Variants in KLF8 observed in about 807,000 individuals in gnomAD.
KLF8 encodes the protein KLF transcription factor 8.
KLF8 carries 10 observed loss-of-function variants against 18.2 expected under a neutral mutation model. The ratio of observed to expected loss-of-function variants is 0.55; its 90% CI spans 0.34 to 0.93. The LOEUF (loss-of-function observed/expected upper bound fraction) is 0.93. Ranked by LOEUF, KLF8 falls within the 40% of genes least tolerant of loss-of-function variation. KLF8 has a pLI of 0.02. For missense variants in KLF8, 264 were observed against 277.9 expected, an observed-to-expected ratio of 0.95 and a Z score of 0.36; for synonymous variants, 109 against 97.3, an observed-to-expected ratio of 1.12 and a Z score of -0.71.
the KLF8 span, among the ~76,000 whole-genome samples, chrX:56,097,332 C>G: frequency 1.9e-5 from 2 of 106,493 alleles, no homozygotes; most frequent in East Asian, 5.9e-4. Context: ...ATTTCTACAC[C>G]CTTTCTTTCT....
chrX:56,129,581 G>C, the KLF8 span, among the ~76,000 whole-genome samples: 1 of 111,509 alleles, frequency 9.0e-6, no homozygotes, highest in African/African-American at 3.3e-5. Flanking sequence ...CTGTGGGAGG[G>C]CTGCCAGAGG....
the KLF8 span, among the ~76,000 whole-genome samples, chrX:55,946,766 C>T: frequency 9.0e-6 from 1 of 110,875 alleles, no homozygotes; most frequent in African/African-American, 3.3e-5. Flanking sequence ...CCAGAATCTA[C>T]AATCAACTCA....
the KLF8 span, among the ~76,000 whole-genome samples, chrX:56,050,097 T>G: frequency 9.0e-6 from 1 of 110,528 alleles, no homozygotes; most frequent in Non-Finnish European, 1.9e-5. Flanking sequence ...TGTATTTCTG[T>G]GGGATCGGTG....
the KLF8 span, among the ~76,000 whole-genome samples, chrX:56,200,115 G>C: frequency 0.028 from 3,065 of 110,865 alleles, 109 homozygotes; most frequent in African/African-American, 0.096. Flanking sequence ...ATAGCATTAG[G>C]AGAAATACCT....
the KLF8 span, among the ~76,000 whole-genome samples, chrX:56,107,171 G>T: frequency 6.9e-4 from 77 of 111,998 alleles, 1 homozygote; most frequent in East Asian, 0.021. Flanking sequence ...GCTACACAGG[G>T]GTCGGGGACC....
intron 5 of KLF8, among the ~76,000 whole-genome samples, chrX:56,279,496 C>G (rs1252554624): frequency 2.7e-5 from 3 of 111,855 alleles, no homozygotes; most frequent in Non-Finnish European, 5.6e-5. Flanking sequence ...CTTGGCTAGT[C>G]AGAGTACAAA....
chrX:56,101,057 A>G, the KLF8 span, among the ~76,000 whole-genome samples: 1 of 111,249 alleles, frequency 9.0e-6, no homozygotes, highest in Non-Finnish European at 1.9e-5. Context: ...GATATGGATG[A>G]TTCTGTCACC....
the KLF8 span, among the ~76,000 whole-genome samples, chrX:56,019,230 A>G: frequency 8.9e-6 from 1 of 112,435 alleles, no homozygotes; most frequent in African/African-American, 3.2e-5. Flanking sequence ...TTTCACAAAT[A>G]TGACCAGATC....
At chrX:56,258,527 G>A (rs1042613853) in intron 2 of KLF8, among the ~76,000 whole-genome samples, 2 of 111,816 alleles carry the variant, frequency 1.8e-5, no homozygotes, top group East Asian at 2.8e-4. Context: ...TGCCAGCCTC[G>A]GCCTCCCAAA....
chrX:56,020,958 CT>C, the KLF8 span, among the ~76,000 whole-genome samples: 1 of 111,925 alleles, frequency 8.9e-6, no homozygotes, highest in South Asian at 3.7e-4. Flanking sequence ...CAAATGCTTC[CT>C]TTCTCTCCTC....
chrX:55,998,564 C>T, the KLF8 span, among the ~76,000 whole-genome samples: 1 of 112,071 alleles, frequency 8.9e-6, no homozygotes, highest in African/African-American at 3.2e-5. Flanking sequence ...CCATTTAACC[C>T]TGAGTTTGAC....
the KLF8 span, among the ~76,000 whole-genome samples, chrX:56,141,633 T>C: frequency 9.0e-6 from 1 of 111,694 alleles, no homozygotes; most frequent in Non-Finnish European, 1.9e-5. Flanking sequence ...TGTGAATTTA[T>C]GGTATCTTTT....
chrX:56,091,857 A>G, the KLF8 span, among the ~76,000 whole-genome samples: 3 of 111,788 alleles, frequency 2.7e-5, no homozygotes, highest in Non-Finnish European at 3.8e-5. Flanking sequence ...ATTGAATGCT[A>G]GTTCCATTTT....
chrX:56,052,120 C>G, the KLF8 span, among the ~76,000 whole-genome samples: 1 of 111,847 alleles, frequency 8.9e-6, no homozygotes, highest in African/African-American at 3.3e-5. Flanking sequence ...TCAGTTCCAT[C>G]AGCTCCTTTA....
At chrX:55,958,581 T>C in the KLF8 span, among the ~76,000 whole-genome samples, 6 of 112,023 alleles carry the variant, frequency 5.4e-5, no homozygotes, top group Non-Finnish European at 1.1e-4. Flanking sequence ...AGCATATTTT[T>C]ACTGTTATAA....
At chrX:56,204,239 A>G in the KLF8 span, among the ~76,000 whole-genome samples, 2 of 112,055 alleles carry the variant, frequency 1.8e-5, no homozygotes, top group Admixed American at 1.9e-4. Context: ...GTTGGCATAT[A>G]GAAATGCTAC....
intron 5 of KLF8, among the ~76,000 whole-genome samples, chrX:56,281,366 T>A (rs1409648977): frequency 8.9e-6 from 1 of 112,008 alleles, no homozygotes; most frequent in Non-Finnish European, 1.9e-5. Context: ...ATTTGTGCCT[T>A]CACAGTAACC....
At chrX:56,212,634 T>G in the KLF8 span, among the ~76,000 whole-genome samples, 1 of 112,121 alleles carries the variant, frequency 8.9e-6, no homozygotes, top group Non-Finnish European at 1.9e-5. Context: ...GCTGTTTCCC[T>G]TCTCCCAATG....
At chrX:56,027,410 T>C in the KLF8 span, among the ~76,000 whole-genome samples, 3 of 112,198 alleles carry the variant, frequency 2.7e-5, no homozygotes, top group African/African-American at 9.7e-5. Context: ...GAATTTCTTG[T>C]TGATATTTTA....
Sources: gnomAD v4.1 joint callset for allele counts (sites outside exome capture counted in the v4.1 genomes callset) on GRCh38, gnomAD v4.1.1 for gene constraint, MANE v1.5 for transcripts, NCBI Gene and HGNC (gene_info 2026-07-23, HGNC 2026-07-21) for gene names.